PHF14: variants seen among roughly 807,000 people sequenced by gnomAD.
The protein encoded by PHF14 is PHD finger protein 14.
Under a neutral mutation model 117.9 loss-of-function variants are expected in PHF14, and 55 were observed. The observed-to-expected ratio is 0.47, with a 90% CI of 0.38 to 0.58. The LOEUF (loss-of-function observed/expected upper bound fraction) is 0.58, where lower values mean the gene tolerates loss of function less well. Ranked by LOEUF, PHF14 falls within the 20% of genes least tolerant of loss-of-function variation. The pLI, the probability that PHF14 is intolerant of heterozygous loss-of-function variation, is 0.00. For missense variants in PHF14, 978 were observed against 1,122.2 expected, an observed-to-expected ratio of 0.87 and a Z score of 1.84; for synonymous variants, 409 against 368.6, an observed-to-expected ratio of 1.11 and a Z score of -1.26.
intron 13 of PHF14, among the ~76,000 whole-genome samples, chr7:11,047,216 G>C (rs1356050072): frequency 6.6e-6 from 1 of 151,728 alleles, no homozygotes; most frequent in Admixed American, 6.6e-5. Context: ...CTACAGGCGC[G>C]TGCCACCACG....
chr7:11,087,894 A>G (rs1562459783), intron 16 of PHF14, among the ~76,000 whole-genome samples: 1 of 152,254 alleles, frequency 6.6e-6, no homozygotes, highest in Non-Finnish European at 1.5e-5. Flanking sequence ...AAAGATTTTT[A>G]AAGTGTATAA....
chr7:11,050,660 T>G (rs1784826853), intron 13 of PHF14, among the ~76,000 whole-genome samples: 1 of 152,198 alleles, frequency 6.6e-6, no homozygotes, highest in Non-Finnish European at 1.5e-5. Context: ...AGCACAGATA[T>G]GTAGATAATC....
intron 5 of PHF14, among the ~76,000 whole-genome samples, chr7:11,018,406 TGTC>T (rs1783604040): frequency 6.6e-6 from 1 of 152,182 alleles, no homozygotes; most frequent in Non-Finnish European, 1.5e-5. Flanking sequence ...CATTTTTTGG[TGTC>T]GTCTTCAATT....
At chr7:11,111,204 ATTAAT>A in intron 16 of PHF14, 141 bp from the exon 17 acceptor site, 1 of 483,904 alleles carries the variant, frequency 2.1e-6, no homozygotes, top group Non-Finnish European at 3.7e-6. Context: ...TATCATCATC[ATTAAT>A]TTAATGATCT....
chr7:11,031,590 C>CAAA (rs34770071), intron 7 of PHF14, among the ~76,000 whole-genome samples: 35 of 126,898 alleles, frequency 2.8e-4, no homozygotes, highest in Non-Finnish European at 5.0e-4. Flanking sequence ...CCATCTCTAC[C>CAAA]AAAAAAAAAA....
At chr7:11,065,014 TAATA>T (rs1197792822) in intron 16 of PHF14, among the ~76,000 whole-genome samples, 1 of 152,118 alleles carries the variant, frequency 6.6e-6, no homozygotes, top group East Asian at 1.9e-4. Flanking sequence ...TTTCCAGTTA[TAATA>T]AATACTTGTT....
chr7:11,152,274 A>G (rs192397771), intron 17 of PHF14, among the ~76,000 whole-genome samples: 3 of 152,262 alleles, frequency 2.0e-5, no homozygotes, highest in Admixed American at 2.0e-4. Context: ...AAAAGGGAAT[A>G]CTTTTTATAG....
chr7:11,128,968 A>G (rs1381176052), intron 17 of PHF14, among the ~76,000 whole-genome samples: 1 of 151,676 alleles, frequency 6.6e-6, no homozygotes, highest in Non-Finnish European at 1.5e-5. Flanking sequence ...TTTTTTTGTC[A>G]TGCTATTGAT....
intron 16 of PHF14, among the ~76,000 whole-genome samples, chr7:11,087,649 T>C (rs1407306044): frequency 6.6e-6 from 1 of 152,164 alleles, no homozygotes; most frequent in Admixed American, 6.5e-5. Context: ...AATTATATTG[T>C]GGATTATAAC....
chr7:11,107,966 G>C (rs1406740840), intron 16 of PHF14: 1 of 153,464 alleles, frequency 6.5e-6, no homozygotes, highest in Non-Finnish European at 1.4e-5. Flanking sequence ...TTTTTTAAAT[G>C]GTCTAAATTT....
intron 14 of PHF14, among the ~76,000 whole-genome samples, chr7:11,060,735 C>G (rs1377117017): frequency 6.6e-6 from 1 of 152,132 alleles, no homozygotes; most frequent in Non-Finnish European, 1.5e-5. Context: ...CTTCAGTTTT[C>G]TGCCTAATTA....
intron 17 of PHF14, among the ~76,000 whole-genome samples, chr7:11,115,154 A>G (rs1220517138): frequency 2.6e-5 from 4 of 151,984 alleles, no homozygotes; most frequent in African/African-American, 9.7e-5. Context: ...TCTTCTTTAA[A>G]TATTTCTCCA....
intron 5 of PHF14, among the ~76,000 whole-genome samples, chr7:11,020,551 G>C (rs1783699591): frequency 6.6e-6 from 1 of 151,798 alleles, no homozygotes; most frequent in African/African-American, 2.4e-5. Context: ...GCTAAATTTT[G>C]TATTTTTTGT....
intron 10 of PHF14, 80 bp from the exon 11 acceptor site, chr7:11,038,680 T>C: frequency 2.3e-6 from 1 of 438,770 alleles, no homozygotes; most frequent in Non-Finnish European, 3.9e-6. Flanking sequence ...ATTATATATA[T>C]ATATGTGGAA....
intron 4 of PHF14, 65 bp from the exon 5 acceptor site, chr7:11,013,682 T>C: frequency 1.2e-6 from 1 of 854,996 alleles, no homozygotes; most frequent in South Asian, 2.3e-5. Flanking sequence ...TCTTTTTCTT[T>C]TGTGATTTTA....
At chr7:11,106,157 A>G (rs943665498) in intron 16 of PHF14, 163 of 981,582 alleles carry the variant, frequency 1.7e-4, no homozygotes, top group Non-Finnish European at 2.0e-4. Context: ...TTCACATTTA[A>G]TCTTGTAATC....
intron 3 of PHF14, among the ~76,000 whole-genome samples, chr7:10,990,006 T>TTTA (rs1459882053): frequency 1.3e-5 from 2 of 152,212 alleles, no homozygotes; most frequent in African/African-American, 4.8e-5. Flanking sequence ...AGAGACCTAC[T>TTTA]TAATAGAGTT....
chr7:11,063,378 G>A (rs1583426564), intron 16 of PHF14: 2 of 982,202 alleles, frequency 2.0e-6, no homozygotes, highest in East Asian at 1.1e-4. Flanking sequence ...GAAATCCCAA[G>A]CATAAGCGTA....
At chr7:10,989,678 T>A (rs1055862759) in intron 3 of PHF14, among the ~76,000 whole-genome samples, 2 of 152,196 alleles carry the variant, frequency 1.3e-5, no homozygotes, top group Non-Finnish European at 2.9e-5. Flanking sequence ...TCCCCCAGGC[T>A]GAAGTGCAGT....
Sources: allele counts gnomAD v4.1 joint callset (sites outside exome capture counted in the v4.1 genomes callset), GRCh38; gene constraint gnomAD v4.1.1; transcripts MANE v1.5; gene names NCBI Gene and HGNC (gene_info 2026-07-23, HGNC 2026-07-21).